XAF1: variants seen among roughly 807,000 people sequenced by gnomAD.
XAF1 encodes XIAP associated factor 1.
Under a neutral mutation model 32.3 loss-of-function variants are expected in XAF1, and 32 were observed. That is an observed-to-expected ratio of 0.99 (90% CI 0.75 to 1.33). The LOEUF is 1.33. XAF1 is among the 40% of genes most tolerant of loss of function. The probability of loss-of-function intolerance (pLI) is 0.00; values close to 1 mark genes in which losing one functional copy is unlikely to be tolerated. For synonymous variants in XAF1, 120 were observed against 125.9 expected, an observed-to-expected ratio of 0.95 and a Z score of 0.31; for missense variants, 379 against 366.0, an observed-to-expected ratio of 1.04 and a Z score of -0.29.
chr17:6,756,083 AAGG>A lies in XAF1; in HGVS notation c.8_10del (p.Gly3del). The A allele has an allele frequency of 6.2e-7, 1 of 1,613,978 alleles. No individual in the cohort carries two copies. The highest frequency in any genetic ancestry group is 1.3e-5 in the African/African-American group (1 of 74,986). On this transcript the variant is annotated inframe_deletion, in exon 1 of 7. Transcript: ENST00000361842. ...AAAGCCTGCAGAGAGCAGAACATGG[AAGG>A]AGACTTCTCGGTGTGCAGGAACTGG...
intron 4 of XAF1, chr17:6,761,783 A>G (rs1975222813): frequency 8.0e-7 from 1 of 1,244,746 alleles, no homozygotes; most frequent in Non-Finnish European, 1.0e-6. Context: ...TGTTCAACCA[A>G]CACCTGGTCT....
chr17:6,762,482 AC>A (rs964632987), intron 5 of XAF1, among the ~76,000 whole-genome samples: 5 of 151,792 alleles, frequency 3.3e-5, no homozygotes, highest in African/African-American at 1.2e-4. Context: ...CACTCCCAAC[AC>A]CCCCGATCAC....
intron 4 of XAF1, among the ~76,000 whole-genome samples, chr17:6,761,102 C>A (rs565933554): frequency 6.6e-6 from 1 of 151,998 alleles, no homozygotes; most frequent in African/African-American, 2.4e-5. Flanking sequence ...TGCAGTGAGT[C>A]GAGATCGTGC....
chr17:6,768,071 C>T (rs2151553044), intron 5 of XAF1, among the ~76,000 whole-genome samples: 1 of 152,076 alleles, frequency 6.6e-6, no homozygotes, highest in Non-Finnish European at 1.5e-5. Flanking sequence ...TTATGTAACT[C>T]ATGCCTGTTT....
At position 6,762,360 on chromosome 17, in the gene XAF1, T is replaced by C. The variant is rs1975287634; in HGVS notation, c.507+120T>C. The C allele has an allele frequency of 4.7e-6, 4 of 850,902 alleles. No individual in the cohort carries two copies. The Admixed American group carries it at 9.0e-5, about 19-fold the overall frequency. 52.7% of individuals were successfully genotyped at this position (850,902 alleles called of 1,614,324 possible). On this transcript the variant is annotated intron_variant, in intron 5 of 6. Coordinates refer to ENST00000361842, the MANE Select transcript of XAF1 (RefSeq NM_017523.5). ...ATAGCATGGATATTAAAGGGTCCCA[T>C]ATTTATTTTTTGCTTTGTTCCAAAA...
In XAF1 at chr17:6,763,612, G is replaced by A. The variant is rs141800824; in HGVS notation, c.507+1372G>A. 6.6e-3 allele frequency among the ~76,000 whole-genome samples: 1,008 copies of A among 152,014 alleles called. 13 individuals are homozygous for A. The highest frequency in any genetic ancestry group is 0.023 in the African/African-American group (954 of 41,488). ...CTCCCAAAGTTAATGGCCTTTTTAC[G>A]GTCATCCCACATTTTGTTTCTCTAC... On this transcript the variant is annotated intron_variant, in intron 5 of 6. Transcript: ENST00000361842.
At chr17:6,755,982 T>C (rs1416898993), upstream of XAF1, 1 of 1,604,532 alleles carries the variant, frequency 6.2e-7, no homozygotes, top group African/African-American at 1.3e-5. Context: ...ATCTCCTCCC[T>C]CCCTGAAGCT....
intron 2 of XAF1, 113 bp downstream of exon 2, chr17:6,758,337 G>A: frequency 6.1e-6 from 9 of 1,464,148 alleles, no homozygotes; most frequent in Non-Finnish European, 8.3e-6. Context: ...CCTCCCTGCA[G>A]GTGAGATGGG....
At position 6,764,050 on chromosome 17, in the gene XAF1, G is replaced by A. The variant is rs547825302; in HGVS notation, c.507+1810G>A. Among the ~76,000 whole-genome samples the A allele has an allele frequency of 1.6e-4, 24 of 152,320 alleles. No individual in the cohort carries two copies. In the East Asian group the frequency reaches 4.6e-3, roughly 29 times the overall value. Reference sequence around the variant, plus strand: ...CCTACACACTTATTTGAAGGCTACAGGGAAGTGGGGAGCTCCAATACACAT... The same window carrying A: ...CCTACACACTTATTTGAAGGCTACAAGGAAGTGGGGAGCTCCAATACACAT... On this transcript the variant is annotated intron_variant, in intron 5 of 6. Coordinates refer to ENST00000361842, the MANE Select transcript of XAF1 (RefSeq NM_017523.5).
chr17:6,771,134 T>C, intron 6 of XAF1, 150 bp downstream of exon 6: 3 of 746,322 alleles, frequency 4.0e-6, no homozygotes, highest in East Asian at 5.5e-5. Context: ...AAATGCACTA[T>C]CTCGTAGCAC....
Position 6,760,535 on chromosome 17 carries a change from A to C in XAF1, c.355A>C (p.Ile119Leu), listed in dbSNP as rs1975109554. 2 of 1,613,628 alleles carry C rather than the reference A, an allele frequency of 1.2e-6. No individual in the cohort carries two copies. The highest frequency in any genetic ancestry group is 1.3e-5 in the African/African-American group (1 of 74,894). Reference sequence around the variant, plus strand: ...GCTCTGCCAAGGCTGTGGCCAGTTCATCATGCACCGCATGCTCGCCCAGCA... The same window carrying C: ...GCTCTGCCAAGGCTGTGGCCAGTTCCTCATGCACCGCATGCTCGCCCAGCA... ...TELCQGCGQF[I>L]MHRMLAQHRD... The change falls in exon 4 of 7, where the codon ATC becomes CTC. Residue 119 changes from isoleucine to leucine, a missense_variant. Transcript: ENST00000361842.
chr17:6,765,726 T>C (rs1044511303), intron 5 of XAF1, among the ~76,000 whole-genome samples: 1 of 152,216 alleles, frequency 6.6e-6, no homozygotes, highest in Non-Finnish European at 1.5e-5. Context: ...TGAACCATCA[T>C]CTTCTCTAGC....
chr17:6,756,120 T>C lies in XAF1; in HGVS notation c.32+10T>C, dbSNP rs1335968758. The C allele has an allele frequency of 6.2e-7, 1 of 1,613,772 alleles. No homozygotes were observed. ...CGGTGTGCAGGAACTGGTAAGAAAG[T>C]GCTTTCTCCAGCGGCAGACCCGGGC... On this transcript the variant is annotated intron_variant, in intron 1 of 6. Transcript: ENST00000361842.
intron 4 of XAF1, 152 bp downstream of exon 4, chr17:6,760,753 A>G (rs1226500578): frequency 2.2e-6 from 2 of 899,504 alleles, no homozygotes; most frequent in Non-Finnish European, 3.3e-6. Context: ...ATTCTAAACC[A>G]TGCCTCAGAG....
At chr17:6,762,114 C>A (rs1975255641) in intron 4 of XAF1, 41 bp from the exon 5 acceptor site, 1 of 1,610,928 alleles carries the variant, frequency 6.2e-7, no homozygotes, top group Admixed American at 1.7e-5. Flanking sequence ...TAGCCGTTGA[C>A]AAGGACAATC....
chr17:6,760,546 C>T lies in XAF1; in HGVS notation c.366C>T (p.Arg122=). 6.2e-7 allele frequency: 1 copy of T among 1,613,512 alleles called. No individual in the cohort carries two copies. Among genetic ancestry groups the T allele is most frequent in the Non-Finnish European group, 8.5e-7 (1 of 1,179,974 alleles). The change falls in exon 4 of 7, where the codon CGC becomes CGT. Residue 122 remains arginine (R), a synonymous_variant. Transcript: ENST00000361842. The stretch of plus-strand genomic sequence containing the variant: ...GCTGTGGCCAGTTCATCATGCACCG[C>T]ATGCTCGCCCAGCACAGAGATGTCT... The part of the protein sequence containing the change: ...CQGCGQFIMH[R]MLAQHRDVCR...
intron 1 of XAF1, among the ~76,000 whole-genome samples, 168 bp from the exon 2 acceptor site, chr17:6,757,921 T>C (rs1231554755): frequency 6.6e-6 from 1 of 152,212 alleles, no homozygotes; most frequent in African/African-American, 2.4e-5. Flanking sequence ...TGCCTCACTG[T>C]TCTGACTTTT....
rs558339908 is a variant in XAF1, at chr17:6,775,609, C to T, written c.*2440C>T. The stretch of plus-strand genomic sequence containing the variant: ...CTGGAGAATCCTACACCCACAGAAC[C>T]CGGCTTTGTCCCCAAAGAATAAAAA... On this transcript the variant is annotated 3_prime_UTR_variant, in exon 7 of 7. Transcript: ENST00000361842. The T allele has an allele frequency of 6.6e-6, 1 of 152,374 alleles. No individual in the cohort carries two copies. Among genetic ancestry groups the T allele is most frequent in the South Asian group, 2.1e-4 (1 of 4,824 alleles). The allele number at this position is 152,374 out of a possible 1,614,324, so 9.4% of individuals were successfully genotyped here.
At chr17:6,772,501 C>T (rs1430975345) in intron 6 of XAF1, among the ~76,000 whole-genome samples, 3 of 122,340 alleles carry the variant, frequency 2.5e-5, no homozygotes, top group East Asian at 2.5e-4. Context: ...GACAGAGTCT[C>T]GCTCTGTCAC....
Sources: gnomAD v4.1 joint callset for allele counts (sites outside exome capture counted in the v4.1 genomes callset) on GRCh38, gnomAD v4.1.1 for gene constraint, MANE v1.5 for transcripts, NCBI Gene and HGNC (gene_info 2026-07-23, HGNC 2026-07-21) for gene names.